Variants in SEMA3E observed in about 807,000 individuals in gnomAD.
SEMA3E encodes semaphorin-3E.
In SEMA3E, 49 loss-of-function variants were observed where a neutral mutation model predicts 93.6. The ratio of observed to expected loss-of-function variants is 0.52; its 90% CI spans 0.42 to 0.66. The LOEUF (loss-of-function observed/expected upper bound fraction) is 0.66. SEMA3E is among the 30% of genes least tolerant of loss of function. SEMA3E has a pLI of 0.00. For missense variants in SEMA3E, 906 were observed against 964.8 expected (o/e 0.94, Z 0.81); for synonymous variants, 363 against 330.7 (o/e 1.10, Z -1.06).
chr7:83,500,168 C>T (rs144246335), intron 1 of SEMA3E, among the ~76,000 whole-genome samples: 75 of 152,212 alleles, frequency 4.9e-4, no homozygotes, highest in South Asian at 8.3e-4. Context: ...CCGGGCGTGG[C>T]GGCTCGCACC....
At chr7:83,627,862 A>T (rs1048854505) in intron 1 of SEMA3E, among the ~76,000 whole-genome samples, 3 of 152,050 alleles carry the variant, frequency 2.0e-5, no homozygotes, top group Non-Finnish European at 4.4e-5. Context: ...TGTCGTTATG[A>T]TGCTAGCTGG....
At chr7:83,569,478 T>C (rs1056204345) in intron 1 of SEMA3E, among the ~76,000 whole-genome samples, 2 of 152,108 alleles carry the variant, frequency 1.3e-5, no homozygotes, top group African/African-American at 4.8e-5. Flanking sequence ...CTCTCTACTA[T>C]CTTCAAGAGA....
At chr7:83,437,413 AT>A (rs1216838979) in intron 4 of SEMA3E, among the ~76,000 whole-genome samples, 1 of 152,154 alleles carries the variant, frequency 6.6e-6, no homozygotes, top group Non-Finnish European at 1.5e-5. Flanking sequence ...AAGACACAAA[AT>A]CCAGAAGACA....
At chr7:83,409,327 A>T (rs1788391405) in intron 5 of SEMA3E, among the ~76,000 whole-genome samples, 1 of 152,150 alleles carries the variant, frequency 6.6e-6, no homozygotes, top group Non-Finnish European at 1.5e-5. Flanking sequence ...AAAACTCACA[A>T]GAGGTAATCA....
At chr7:83,531,338 A>ACTCT (rs1791292992) in intron 1 of SEMA3E, among the ~76,000 whole-genome samples, 2 of 40,138 alleles carry the variant, frequency 5.0e-5, no homozygotes, top group Non-Finnish European at 1.3e-4. Context: ...TGATTGGAAT[A>ACTCT]TTCTTTTTTT....
chr7:83,453,930 G>A (rs1287617044), intron 4 of SEMA3E, among the ~76,000 whole-genome samples: 3 of 91,640 alleles, frequency 3.3e-5, no homozygotes, highest in Non-Finnish European at 7.7e-5. Context: ...TTTTAAAATG[G>A]TTATCTTTAA....
rs1254629784 is a variant in SEMA3E, at chr7:83,396,095, ATATGCACACATATATATG to A, written c.1458+525_1458+542del. Reference sequence around the variant, plus strand: ...TATAAGTGCATATGTGCATTTATATATATGCACACATATATATGTGTATACACACATATATGTATACAC... The same window carrying A: ...TATAAGTGCATATGTGCATTTATATATGTATACACACATATATGTATACAC... On this transcript the variant is annotated intron_variant, in intron 12 of 16. Transcript: ENST00000643230. Among the ~76,000 whole-genome samples, 29 of 151,420 alleles carry A rather than the reference ATATGCACACATATATATG, an allele frequency of 1.9e-4. No homozygotes were observed. In the South Asian group the frequency reaches 5.6e-3, roughly 29 times the overall value.
Position 83,405,941 on chromosome 7 carries a change from T to C in SEMA3E, c.928+4A>G, listed in dbSNP as rs944154913. ...GCAAATTTAATTCACCTAAAAACAT[T>C]TACCTAATTCATCAAAATATGTGTC... is the stretch of plus-strand genomic sequence containing the variant. On this transcript the variant is annotated splice_donor_region_variant and intron_variant, in intron 8 of 16. Transcript: ENST00000643230. The C allele has an allele frequency of 6.3e-7, 1 of 1,599,114 alleles. No homozygotes were observed. Among genetic ancestry groups the C allele is most frequent in the Non-Finnish European group, 8.6e-7 (1 of 1,166,814 alleles).
At chr7:83,415,699 T>C (rs1788526983) in intron 5 of SEMA3E, among the ~76,000 whole-genome samples, 1 of 152,096 alleles carries the variant, frequency 6.6e-6, no homozygotes, top group African/African-American at 2.4e-5. Context: ...ATTAGGAAAT[T>C]ACATAGAAAA....
At position 83,544,996 on chromosome 7, in the gene SEMA3E, T is replaced by C. The variant is rs369514691; in HGVS notation, c.116-54722A>G. On this transcript the variant is annotated intron_variant, in intron 1 of 16. Transcript: ENST00000643230. ...ATGAAAGCATTTTCAATCATAAACA[T>C]TTGGTGCCAGCTAATAAATGCTACA... is the stretch of plus-strand genomic sequence containing the variant. 7.9e-5 allele frequency among the ~76,000 whole-genome samples: 12 copies of C among 152,166 alleles called. 1 individual carries two copies. Among genetic ancestry groups the C allele is most frequent in the Admixed American group, 6.6e-5 (1 of 15,258 alleles).
chr7:83,611,266 ATAAATTTATATATTATATAT>A (rs1251182196), intron 1 of SEMA3E, among the ~76,000 whole-genome samples: 2 of 143,972 alleles, frequency 1.4e-5, no homozygotes, highest in East Asian at 3.9e-4. Context: ...TATATTATAT[ATAAATTTATATATTATATAT>A]TAAATTTATA....
chr7:83,464,139 C>A lies in SEMA3E; in HGVS notation c.456+2343G>T, dbSNP rs28821857. On this transcript the variant is annotated intron_variant, in intron 4 of 16. Transcript: ENST00000643230. ...TTAGTATTCAGTGAAACCTTTATATCCCTTACGGTCCTCCGTCTTCAAGAA... is the reference window on the plus strand; with the variant it reads ...TTAGTATTCAGTGAAACCTTTATATACCTTACGGTCCTCCGTCTTCAAGAA... 4.9e-3 allele frequency among the ~76,000 whole-genome samples: 741 copies of A among 152,090 alleles called. 6 individuals are homozygous for A. The highest frequency in any genetic ancestry group is 0.017 in the African/African-American group (702 of 41,522).
At chr7:83,534,956 T>G (rs928906275) in intron 1 of SEMA3E, among the ~76,000 whole-genome samples, 28 of 152,204 alleles carry the variant, frequency 1.8e-4, no homozygotes, top group African/African-American at 6.8e-4. Context: ...AAGCCATTCC[T>G]CTGCAGGAAT....
chr7:83,460,335 C>T (rs1789583839), intron 4 of SEMA3E, among the ~76,000 whole-genome samples: 2 of 152,006 alleles, frequency 1.3e-5, no homozygotes, highest in African/African-American at 4.8e-5. Flanking sequence ...CTCCTTTCCA[C>T]TCTTCAATCT....
intron 1 of SEMA3E, among the ~76,000 whole-genome samples, chr7:83,519,997 G>A (rs1210847511): frequency 6.6e-6 from 1 of 152,032 alleles, no homozygotes; most frequent in Non-Finnish European, 1.5e-5. Flanking sequence ...CATCATAGAT[G>A]CCCTATAAAT....
intron 1 of SEMA3E, among the ~76,000 whole-genome samples, chr7:83,625,879 C>A (rs1362113589): frequency 6.6e-6 from 1 of 152,054 alleles, no homozygotes; most frequent in African/African-American, 2.4e-5. Flanking sequence ...AGATACATTC[C>A]ATCAATACCT....
chr7:83,495,372 T>C (rs1428612991), intron 1 of SEMA3E, among the ~76,000 whole-genome samples: 1 of 151,900 alleles, frequency 6.6e-6, no homozygotes, highest in Non-Finnish European at 1.5e-5. Flanking sequence ...AATGCTTCTA[T>C]TTCCAATCTA....
At chr7:83,515,008 T>A (rs141882100) in intron 1 of SEMA3E, among the ~76,000 whole-genome samples, 52 of 152,288 alleles carry the variant, frequency 3.4e-4, no homozygotes, top group African/African-American at 1.1e-3. Context: ...TATTTTCTCC[T>A]CCTCCTTGAA....
chr7:83,489,104 T>G (rs1445864114), intron 2 of SEMA3E, among the ~76,000 whole-genome samples: 1 of 152,050 alleles, frequency 6.6e-6, no homozygotes, highest in Non-Finnish European at 1.5e-5. Flanking sequence ...ACCAAAAGTT[T>G]TGGTATAATT....
Sources: allele counts gnomAD v4.1 joint callset (sites outside exome capture counted in the v4.1 genomes callset), GRCh38; gene constraint gnomAD v4.1.1; transcripts MANE v1.5; gene names NCBI Gene and HGNC (gene_info 2026-07-23, HGNC 2026-07-21).